The following PCDH15 variants were observed in gnomAD, a reference collection of about 807,000 sequenced individuals.
The protein encoded by PCDH15 is protocadherin-15.
Under a neutral mutation model 178.5 loss-of-function variants are expected in PCDH15, and 129 were observed. The observed-to-expected ratio is 0.72, with a 90% CI of 0.63 to 0.84. PCDH15 has a LOEUF of 0.84. Ranked by LOEUF, PCDH15 falls within the 40% of genes least tolerant of loss-of-function variation. The probability of loss-of-function intolerance (pLI) is 0.00; values close to 1 mark genes in which losing one functional copy is unlikely to be tolerated. For synonymous variants in PCDH15, 800 were observed against 732.0 expected (o/e 1.09, Z -1.50); for missense variants, 2,230 against 2,099.9 (o/e 1.06, Z -1.21).
At chr10:54,361,895 C>A (rs965837973) in intron 5 of PCDH15, among the ~76,000 whole-genome samples, 4 of 152,026 alleles carry the variant, frequency 2.6e-5, no homozygotes, top group African/African-American at 9.7e-5. Context: ...ATATGGTGAG[C>A]AAGTGCTCAG....
chr10:53,991,841 A>G (rs1332263188), intron 21 of PCDH15, among the ~76,000 whole-genome samples: 1 of 152,008 alleles, frequency 6.6e-6, no homozygotes, highest in African/African-American at 2.4e-5. Context: ...CAGACCAATC[A>G]GCTCTCTGTA....
intron 10 of PCDH15, among the ~76,000 whole-genome samples, chr10:54,203,331 A>G (rs1167649055): frequency 6.6e-6 from 1 of 152,234 alleles, no homozygotes; most frequent in Non-Finnish European, 1.5e-5. Context: ...TCCTCTTGAC[A>G]TTCCATTATT....
intron 2 of PCDH15, among the ~76,000 whole-genome samples, chr10:55,159,623 A>G (rs1318693532): frequency 2.0e-5 from 3 of 148,166 alleles, no homozygotes; most frequent in African/African-American, 7.4e-5. Flanking sequence ...AAATATATAT[A>G]TATCTTAAAG....
chr10:55,294,443 T>C (rs112160522), intron 1 of PCDH15, among the ~76,000 whole-genome samples: 1 of 152,226 alleles, frequency 6.6e-6, no homozygotes, highest in East Asian at 1.9e-4. Context: ...TCTAACTTCA[T>C]ACTGAAGTAA....
chr10:55,238,960 AT>A (rs1841468368), intron 1 of PCDH15, among the ~76,000 whole-genome samples: 1 of 152,028 alleles, frequency 6.6e-6, no homozygotes, highest in African/African-American at 2.4e-5. Flanking sequence ...CATTCTATAT[AT>A]TTTTTACTTA....
chr10:54,449,275 A>C (rs934156154), intron 3 of PCDH15, among the ~76,000 whole-genome samples: 8 of 151,692 alleles, frequency 5.3e-5, no homozygotes, highest in African/African-American at 9.7e-5. Flanking sequence ...GTAAGTAATA[A>C]ATTTGTTTCA....
At chr10:54,271,886 T>A (rs1385276637) in intron 8 of PCDH15, among the ~76,000 whole-genome samples, 1 of 150,814 alleles carries the variant, frequency 6.6e-6, no homozygotes. Flanking sequence ...ATAAAATACT[T>A]TGGTAAGTGC....
intron 2 of PCDH15, among the ~76,000 whole-genome samples, chr10:55,469,795 T>C (rs557798735): frequency 7.2e-4 from 110 of 152,200 alleles, no homozygotes; most frequent in African/African-American, 2.5e-3. Context: ...AAATTGTTAA[T>C]TTTCATTTTC....
chr10:53,807,890 T>G (rs1294507815), intron 37 of PCDH15, among the ~76,000 whole-genome samples: 2 of 152,130 alleles, frequency 1.3e-5, no homozygotes, highest in African/African-American at 4.8e-5. Context: ...CAATCAACAT[T>G]AAAAATAGCA....
chr10:55,528,986 A>G (rs538795673), intron 2 of PCDH15, among the ~76,000 whole-genome samples: 6 of 152,224 alleles, frequency 3.9e-5, no homozygotes, highest in Non-Finnish European at 7.4e-5. Context: ...AGTGATGATG[A>G]GCATTTTTTC....
At chr10:54,432,149 A>G (rs762764424) in intron 3 of PCDH15, among the ~76,000 whole-genome samples, 3 of 152,108 alleles carry the variant, frequency 2.0e-5, no homozygotes, top group Non-Finnish European at 2.9e-5. Flanking sequence ...TAGTACCCAC[A>G]GCAATTCACA....
intron 8 of PCDH15, among the ~76,000 whole-genome samples, chr10:54,278,629 T>G (rs1220814522): frequency 6.6e-6 from 1 of 151,458 alleles, no homozygotes; most frequent in Non-Finnish European, 1.5e-5. Flanking sequence ...TTTGAGACAT[T>G]GTCATTCTTG....
At chr10:54,516,835 A>G (rs2082276220) in intron 3 of PCDH15, among the ~76,000 whole-genome samples, 1 of 152,250 alleles carries the variant, frequency 6.6e-6, no homozygotes, top group South Asian at 2.1e-4. Context: ...CCACAAAGGG[A>G]AGCTCATCAG....
At chr10:54,057,632 A>G (rs1209770909) in intron 18 of PCDH15, among the ~76,000 whole-genome samples, 1 of 152,114 alleles carries the variant, frequency 6.6e-6, no homozygotes, top group Non-Finnish European at 1.5e-5. Context: ...AGGGCCTGCC[A>G]TGAATGTCTC....
chr10:54,788,485 G>A (rs558757289), intron 1 of PCDH15, among the ~76,000 whole-genome samples: 5 of 151,764 alleles, frequency 3.3e-5, no homozygotes, highest in Non-Finnish European at 4.4e-5. Flanking sequence ...AGAATTTAAC[G>A]GTAGATAAAA....
intron 2 of PCDH15, among the ~76,000 whole-genome samples, chr10:55,497,922 G>A (rs911255049): frequency 2.0e-5 from 3 of 151,872 alleles, no homozygotes; most frequent in African/African-American, 7.2e-5. Context: ...AAATGTATAA[G>A]ATTAGCTGGC....
At chr10:53,985,304 A>C (rs2091015677) in intron 21 of PCDH15, among the ~76,000 whole-genome samples, 1 of 152,204 alleles carries the variant, frequency 6.6e-6, no homozygotes, top group African/African-American at 2.4e-5. Context: ...GTGTTAATCA[A>C]ATCCTGCTGC....
intron 2 of PCDH15, among the ~76,000 whole-genome samples, chr10:54,538,162 T>G (rs1285340629): frequency 6.6e-6 from 1 of 152,196 alleles, no homozygotes; most frequent in African/African-American, 2.4e-5. Flanking sequence ...CAATTGCTTT[T>G]GAGGACTTGC....
At chr10:53,957,957 A>G (rs1204969159) in intron 23 of PCDH15, among the ~76,000 whole-genome samples, 1 of 152,188 alleles carries the variant, frequency 6.6e-6, no homozygotes, top group Non-Finnish European at 1.5e-5. Context: ...ATGCTATGGA[A>G]GATTTTCTGG....
Sources: gnomAD v4.1 joint callset for allele counts (sites outside exome capture counted in the v4.1 genomes callset) on GRCh38, gnomAD v4.1.1 for gene constraint, MANE v1.5 for transcripts, NCBI Gene and HGNC (gene_info 2026-07-23, HGNC 2026-07-21) for gene names.